The following CALN1 variants were observed in gnomAD, a reference collection of about 807,000 sequenced individuals.
The protein encoded by CALN1 is calneuron 1.
CALN1 carries 17 observed loss-of-function variants against 30.6 expected under a neutral mutation model. That is an observed-to-expected ratio of 0.56 (90% CI 0.38 to 0.83). The LOEUF is 0.83. CALN1 is among the 40% of genes least tolerant of loss of function. The probability of loss-of-function intolerance (pLI) is 0.00; values close to 1 mark genes in which losing one functional copy is unlikely to be tolerated. For missense variants in CALN1, 291 were observed against 354.9 expected, an observed-to-expected ratio of 0.82 and a Z score of 1.45; for synonymous variants, 156 against 131.4, an observed-to-expected ratio of 1.19 and a Z score of -1.28.
chr7:72,077,585 T>A (rs2129538444), intron 4 of CALN1, among the ~76,000 whole-genome samples: 1 of 152,306 alleles, frequency 6.6e-6, no homozygotes, highest in East Asian at 1.9e-4. Flanking sequence ...TTTTCTCTCT[T>A]TTTTATTCTC....
At chr7:72,498,429 G>C in the CALN1 span, among the ~76,000 whole-genome samples, 1 of 146,336 alleles carries the variant, frequency 6.8e-6, no homozygotes, top group African/African-American at 2.6e-5. Flanking sequence ...AAAGCAGTCA[G>C]GAAAAAAAGA....
intron 5 of CALN1, among the ~76,000 whole-genome samples, chr7:71,933,264 G>C (rs1795655938): frequency 6.6e-6 from 1 of 152,160 alleles, no homozygotes; most frequent in Non-Finnish European, 1.5e-5. Flanking sequence ...GTAGGGTGAG[G>C]TGGCCAGGCT....
At chr7:71,957,717 T>C (rs948398530) in intron 5 of CALN1, among the ~76,000 whole-genome samples, 1 of 152,094 alleles carries the variant, frequency 6.6e-6, no homozygotes, top group African/African-American at 2.4e-5. Context: ...ATGTTCTCAT[T>C]TTAAGACTGA....
chr7:71,805,403 G>A (rs1787548988), intron 6 of CALN1, among the ~76,000 whole-genome samples: 1 of 152,142 alleles, frequency 6.6e-6, no homozygotes, highest in African/African-American at 2.4e-5. Context: ...TGGTCATGTG[G>A]GGTTGCGAGG....
intron 2 of CALN1, among the ~76,000 whole-genome samples, chr7:72,348,454 G>C (rs559925229): frequency 6.6e-6 from 1 of 152,208 alleles, no homozygotes; most frequent in Non-Finnish European, 1.5e-5. Flanking sequence ...CAGAGAACTG[G>C]AGAGGAGAAG....
chr7:72,365,497 G>A (rs1803825276), intron 2 of CALN1, among the ~76,000 whole-genome samples: 1 of 152,068 alleles, frequency 6.6e-6, no homozygotes, highest in South Asian at 2.1e-4. Flanking sequence ...CCAGGCTGGA[G>A]TGCAGTGGTG....
Position 72,345,097 on chromosome 7 carries a change from A to G in CALN1, c.119+58154T>C, listed in dbSNP as rs1802569383. Among the ~76,000 whole-genome samples, 3 of 149,006 alleles carry G rather than the reference A, an allele frequency of 2.0e-5. No individual in the cohort carries two copies. In the South Asian group the frequency reaches 6.3e-4, roughly 31 times the overall value. ...TGTTATGTATAATTATACATGTTAT[A>G]TAATTATGTTATACGAAATTACATA... On this transcript the variant is annotated intron_variant, in intron 2 of 6. Transcript: ENST00000395275.
chr7:72,070,808 T>C (rs1318833256), intron 4 of CALN1, among the ~76,000 whole-genome samples: 1 of 152,218 alleles, frequency 6.6e-6, no homozygotes, highest in Non-Finnish European at 1.5e-5. Flanking sequence ...TTGCAGTTTT[T>C]ATAAGGTCTC....
Position 72,137,318 on chromosome 7 carries a change from A to G in CALN1, c.245-31024T>C, listed in dbSNP as rs189645654. On this transcript the variant is annotated intron_variant, in intron 3 of 6. Coordinates refer to ENST00000395275, the MANE Select transcript of CALN1 (RefSeq NM_031468.4). ...TGGATTTAGGTGGTTTTTAAAGAGAACTTACAACGGTGGTGTTTTGTTCAA... is the reference window on the plus strand; with the variant it reads ...TGGATTTAGGTGGTTTTTAAAGAGAGCTTACAACGGTGGTGTTTTGTTCAA... Among the ~76,000 whole-genome samples, 677 of 152,216 alleles carry G rather than the reference A, an allele frequency of 4.4e-3. 3 individuals are homozygous for G. The highest frequency in any genetic ancestry group is 0.016 in the African/African-American group (657 of 41,530).
At position 71,958,396 on chromosome 7, in the gene CALN1, T is replaced by G. The variant is rs60738488; in HGVS notation, c.501+65261A>C. Among the ~76,000 whole-genome samples, 38 of 152,254 alleles carry G rather than the reference T, an allele frequency of 2.5e-4. No homozygotes were observed. In the East Asian group the frequency reaches 7.4e-3, roughly 30 times the overall value. Reference sequence around the variant, plus strand: ...CATGAGACTCTTGGCTTCCTCCAGTTCCCTGTCTTCATTGTAAGACACAAC... The same window carrying G: ...CATGAGACTCTTGGCTTCCTCCAGTGCCCTGTCTTCATTGTAAGACACAAC... On this transcript the variant is annotated intron_variant, in intron 5 of 6. Coordinates refer to ENST00000395275, the MANE Select transcript of CALN1 (RefSeq NM_031468.4).
intron 2 of CALN1, among the ~76,000 whole-genome samples, chr7:72,382,126 G>C (rs1029512407): frequency 1.3e-5 from 2 of 152,192 alleles, no homozygotes; most frequent in Admixed American, 1.3e-4. Context: ...TGGACCCTAA[G>C]AGGAATCAAA....
intron 5 of CALN1, among the ~76,000 whole-genome samples, chr7:71,946,309 A>G (rs1455676482): frequency 6.6e-6 from 1 of 152,072 alleles, no homozygotes; most frequent in East Asian, 1.9e-4. Context: ...TAGTGACAAT[A>G]ATAATGGTAG....
intron 3 of CALN1, among the ~76,000 whole-genome samples, chr7:72,276,949 G>A (rs1014274647): frequency 6.6e-6 from 1 of 152,200 alleles, no homozygotes; most frequent in Non-Finnish European, 1.5e-5. Context: ...CAAGAAAAGT[G>A]ACATCTATGA....
chr7:72,355,946 G>T (rs1803193921), intron 2 of CALN1, among the ~76,000 whole-genome samples: 1 of 152,072 alleles, frequency 6.6e-6, no homozygotes, highest in African/African-American at 2.4e-5. Flanking sequence ...CAATAAAGTT[G>T]ATTTGAAAAG....
intron 3 of CALN1, among the ~76,000 whole-genome samples, chr7:72,135,642 C>A (rs551997288): frequency 6.6e-6 from 1 of 152,178 alleles, no homozygotes; most frequent in Non-Finnish European, 1.5e-5. Flanking sequence ...ATGTCTAGAG[C>A]ATAGGCAGAA....
At chr7:72,203,652 T>A (rs1008324448) in intron 3 of CALN1, among the ~76,000 whole-genome samples, 10 of 152,196 alleles carry the variant, frequency 6.6e-5, no homozygotes, top group African/African-American at 1.4e-4. Flanking sequence ...TCTATTTCAC[T>A]CTAATTAGCA....
intron 5 of CALN1, among the ~76,000 whole-genome samples, chr7:71,835,338 T>C (rs1789541756): frequency 6.6e-6 from 1 of 152,188 alleles, no homozygotes; most frequent in Non-Finnish European, 1.5e-5. Flanking sequence ...CAGTTAGGAA[T>C]TACAACCCTC....
intron 5 of CALN1, among the ~76,000 whole-genome samples, chr7:72,017,170 TA>T (rs58672373): frequency 0.2 from 17,886 of 87,890 alleles, 1,243 homozygotes; most frequent in Middle Eastern, 0.32. Context: ...TCTCAAAAAT[TA>T]AAAAAAAAAA....
chr7:72,409,601 A>G (rs1449206593), intron 1 of CALN1, among the ~76,000 whole-genome samples: 2 of 152,074 alleles, frequency 1.3e-5, no homozygotes, highest in East Asian at 3.9e-4. Context: ...CATGGATTTG[A>G]TCCCTTTCAA....
Sources: allele counts gnomAD v4.1 joint callset (sites outside exome capture counted in the v4.1 genomes callset), GRCh38; gene constraint gnomAD v4.1.1; transcripts MANE v1.5; gene names NCBI Gene and HGNC (gene_info 2026-07-23, HGNC 2026-07-21).